The following RBFOX1 variants were observed in gnomAD, a reference collection of about 807,000 sequenced individuals.
The protein encoded by RBFOX1 is RNA binding fox-1 homolog 1.
A neutral mutation model predicts 57.7 loss-of-function variants in RBFOX1; 8 were observed. The observed-to-expected ratio is 0.14, with a 90% confidence interval of 0.08 to 0.25. The LOEUF (loss-of-function observed/expected upper bound fraction) is 0.25, where lower values mean the gene tolerates loss of function less well. RBFOX1 is among the 10% of genes least tolerant of loss of function. The pLI, the probability that RBFOX1 is intolerant of heterozygous loss-of-function variation, is 1.00. For missense variants in RBFOX1, 611 were observed against 548.5 expected, an observed-to-expected ratio of 1.11 and a Z score of -1.14; for synonymous variants, 326 against 222.4, an observed-to-expected ratio of 1.47 and a Z score of -4.15.
chr16:7,596,348 A>T (rs934194199), intron 8 of RBFOX1, among the ~76,000 whole-genome samples: 2 of 151,854 alleles, frequency 1.3e-5, no homozygotes, highest in African/African-American at 4.8e-5. Flanking sequence ...CAACATAGCC[A>T]CAGGGTCATA....
intron 3 of RBFOX1, among the ~76,000 whole-genome samples, chr16:6,943,478 G>T (rs1399613230): frequency 1.3e-5 from 2 of 152,152 alleles, no homozygotes; most frequent in Non-Finnish European, 2.9e-5. Flanking sequence ...GGAGTCTGAG[G>T]CAGGCGGATC....
intron 4 of RBFOX1, among the ~76,000 whole-genome samples, chr16:7,263,831 C>T (rs1457582352): frequency 4.6e-5 from 7 of 150,890 alleles, no homozygotes; most frequent in African/African-American, 7.3e-5. Context: ...ACCCAGAAGG[C>T]GGAGGTTGTG....
At chr16:5,841,800 G>A (rs566228906) in intron 3 of RBFOX1, among the ~76,000 whole-genome samples, 42 of 152,270 alleles carry the variant, frequency 2.8e-4, no homozygotes, top group African/African-American at 9.6e-4. Flanking sequence ...CAGCATCGAG[G>A]ACTTCCTTTC....
At chr16:6,092,892 G>T (rs1021256759) in intron 1 of RBFOX1, 4 of 152,052 alleles carry the variant, frequency 2.6e-5, no homozygotes, top group African/African-American at 9.7e-5. Flanking sequence ...GGTTCTATAT[G>T]AATTTAAAAA....
chr16:7,457,175 C>T (rs2058697591), intron 4 of RBFOX1, among the ~76,000 whole-genome samples: 1 of 152,096 alleles, frequency 6.6e-6, no homozygotes, highest in South Asian at 2.1e-4. Flanking sequence ...GTGTGAGCCA[C>T]CGCGCCTGGC....
chr16:6,799,595 G>C (rs2084881854), intron 3 of RBFOX1, among the ~76,000 whole-genome samples: 1 of 152,122 alleles, frequency 6.6e-6, no homozygotes, highest in African/African-American at 2.4e-5. Context: ...GCCTGGGAGA[G>C]AAAGACCCAC....
chr16:6,944,543 A>G (rs1031338256), intron 3 of RBFOX1, among the ~76,000 whole-genome samples: 1 of 152,134 alleles, frequency 6.6e-6, no homozygotes, highest in African/African-American at 2.4e-5. Flanking sequence ...ACGATCTGGT[A>G]TATTTTGTAG....
At chr16:6,771,787 A>G (rs377192919) in intron 3 of RBFOX1, among the ~76,000 whole-genome samples, 68 of 152,278 alleles carry the variant, frequency 4.5e-4, no homozygotes, top group African/African-American at 1.5e-3. Flanking sequence ...CTATGACAAT[A>G]AGTTACCCAG....
intron 1 of RBFOX1, among the ~76,000 whole-genome samples, chr16:6,230,250 C>T (rs978854019): frequency 6.6e-6 from 1 of 152,102 alleles, no homozygotes; most frequent in African/African-American, 2.4e-5. Flanking sequence ...TAACAATAAT[C>T]ACCAATCTCG....
chr16:7,175,106 G>A (rs576712555), intron 4 of RBFOX1, among the ~76,000 whole-genome samples: 3 of 152,024 alleles, frequency 2.0e-5, no homozygotes, highest in South Asian at 2.1e-4. Flanking sequence ...ATAGGTAAAT[G>A]TATGTCTTGG....
intron 4 of RBFOX1, among the ~76,000 whole-genome samples, chr16:7,171,264 G>C (rs1433368345): frequency 6.6e-6 from 1 of 152,138 alleles, no homozygotes; most frequent in Non-Finnish European, 1.5e-5. Flanking sequence ...TAAAGTCCTT[G>C]AAACCCCAAT....
At chr16:6,193,410 A>ATATATATATAC (rs1567651594) in intron 1 of RBFOX1, among the ~76,000 whole-genome samples, 4 of 93,416 alleles carry the variant, frequency 4.3e-5, no homozygotes, top group Non-Finnish European at 9.3e-5. Flanking sequence ...ATATATATAT[A>ATATATATATAC]TATATATATA....
rs543358551 is a variant in RBFOX1 at position 6,865,462 on chromosome 16, C to G, written c.-15-186595C>G. ...CCATGGGGATATTTCCTTTCTAGCC[C>G]CACACACCCAGGCACCTTCTTGTTT... On this transcript the variant is annotated intron_variant, in intron 3 of 15. Transcript: ENST00000550418. Among the ~76,000 whole-genome samples, 6 of 152,170 alleles carry G rather than the reference C, an allele frequency of 3.9e-5. 1 individual carries two copies. The East Asian group carries it at 1.2e-3, about 29-fold the overall frequency.
intron 4 of RBFOX1, among the ~76,000 whole-genome samples, chr16:7,406,160 G>GT (rs1442197554): frequency 6.6e-6 from 1 of 152,128 alleles, no homozygotes; most frequent in African/African-American, 2.4e-5. Flanking sequence ...TGAAACTGTG[G>GT]TTTTTCCAGA....
chr16:6,132,590 AG>A (rs1432519193), intron 1 of RBFOX1, among the ~76,000 whole-genome samples: 2 of 152,224 alleles, frequency 1.3e-5, no homozygotes, highest in Non-Finnish European at 2.9e-5. Context: ...ATAGTCCAGG[AG>A]TACACGTGAA....
intron 4 of RBFOX1, among the ~76,000 whole-genome samples, chr16:7,411,191 C>T (rs1340047725): frequency 6.6e-6 from 1 of 152,132 alleles, no homozygotes; most frequent in South Asian, 2.1e-4. Flanking sequence ...GGTGATCTGC[C>T]CTTCTCAGCC....
intron 2 of RBFOX1, among the ~76,000 whole-genome samples, chr16:5,512,132 C>G (rs1201876769): frequency 6.6e-6 from 1 of 152,124 alleles, no homozygotes; most frequent in Middle Eastern, 3.2e-3. Context: ...TTTGCTTCTG[C>G]TAAGTGGTGG....
At chr16:6,750,708 T>A (rs970435387) in intron 3 of RBFOX1, among the ~76,000 whole-genome samples, 2 of 152,244 alleles carry the variant, frequency 1.3e-5, no homozygotes, top group African/African-American at 4.8e-5. Flanking sequence ...TCATTATTCG[T>A]CATTTATTGC....
At chr16:5,624,633 G>A (rs1385165073) in intron 3 of RBFOX1, among the ~76,000 whole-genome samples, 2 of 152,244 alleles carry the variant, frequency 1.3e-5, no homozygotes, top group African/African-American at 4.8e-5. Context: ...CTGTGATTGT[G>A]TCTGGCTAAT....
Sources: gnomAD v4.1 joint callset for allele counts (sites outside exome capture counted in the v4.1 genomes callset) on GRCh38, gnomAD v4.1.1 for gene constraint, MANE v1.5 for transcripts, NCBI Gene and HGNC (gene_info 2026-07-23, HGNC 2026-07-21) for gene names.